CEP83: variants seen among roughly 807,000 people sequenced by gnomAD.
The protein encoded by CEP83 is centrosomal protein 83.
In CEP83, 70 loss-of-function variants were observed where a neutral mutation model predicts 101.9. The ratio of observed to expected loss-of-function variants is 0.69; its 90% CI spans 0.57 to 0.84. CEP83 has a LOEUF of 0.84. Among genes scored for constraint, CEP83 ranks in the 40% least tolerant of loss-of-function variants. The probability of loss-of-function intolerance (pLI) is 0.00; values close to 1 mark genes in which losing one functional copy is unlikely to be tolerated. For missense variants in CEP83, 715 were observed against 787.2 expected (o/e 0.91, Z 1.10); for synonymous variants, 264 against 267.9 (o/e 0.99, Z 0.14).
At chr12:94,282,028 A>G in the CEP83 span, 1 of 344,626 alleles carries the variant, frequency 2.9e-6, no homozygotes, top group South Asian at 3.0e-5. Context: ...TGAAGAGCTT[A>G]GTCGTCCCTC....
At chr12:94,281,260 T>G in the CEP83 span, among the ~76,000 whole-genome samples, 1 of 151,962 alleles carries the variant, frequency 6.6e-6, no homozygotes, top group East Asian at 1.9e-4. Flanking sequence ...GCCTGGGCAA[T>G]GGAGGGAGAC....
chr12:94,441,446 T>C (rs532555924), intron 1 of CEP83, among the ~76,000 whole-genome samples: 15 of 152,108 alleles, frequency 9.9e-5, no homozygotes, highest in Non-Finnish European at 1.8e-4. Flanking sequence ...ATCAGGGAAA[T>C]GCAAATCAAA....
the CEP83 span, among the ~76,000 whole-genome samples, chr12:94,268,588 C>CTTTTTTT: frequency 3.3e-4 from 30 of 90,864 alleles, no homozygotes; most frequent in East Asian, 1.1e-3. Context: ...AGAATAAGAC[C>CTTTTTTT]TTTTTTTTTT....
the CEP83 span, among the ~76,000 whole-genome samples, chr12:94,299,493 A>C: frequency 6.6e-6 from 1 of 152,084 alleles, no homozygotes; most frequent in Non-Finnish European, 1.5e-5. Flanking sequence ...CTCTAGGTCT[A>C]ATCTCCCATT....
At chr12:94,398,254 A>T (rs998339890) in intron 6 of CEP83, among the ~76,000 whole-genome samples, 3 of 152,212 alleles carry the variant, frequency 2.0e-5, no homozygotes, top group Admixed American at 2.0e-4. Context: ...AAGGGAACTG[A>T]CTAAAACAAA....
At chr12:94,293,665 C>T in the CEP83 span, among the ~76,000 whole-genome samples, 1 of 152,202 alleles carries the variant, frequency 6.6e-6, no homozygotes, top group African/African-American at 2.4e-5. Context: ...GTCGCCCAGG[C>T]TGGAGTAGAG....
At chr12:94,456,779 T>C (rs1391276028) in intron 1 of CEP83, among the ~76,000 whole-genome samples, 1 of 152,176 alleles carries the variant, frequency 6.6e-6, no homozygotes, top group African/African-American at 2.4e-5. Context: ...CAAGGTGAGA[T>C]TTGGGTGGGG....
intron 1 of CEP83, among the ~76,000 whole-genome samples, chr12:94,442,755 T>C (rs1455027305): frequency 6.6e-6 from 1 of 152,184 alleles, no homozygotes; most frequent in African/African-American, 2.4e-5. Context: ...AGGTTCAAAT[T>C]TTCTACTTGT....
intron 6 of CEP83, among the ~76,000 whole-genome samples, chr12:94,399,276 GT>G (rs906231284): frequency 5.9e-5 from 9 of 152,314 alleles, no homozygotes; most frequent in African/African-American, 2.2e-4. Flanking sequence ...GGGCCGAGCT[GT>G]AAAATTCCTC....
chr12:94,270,763 CT>C, the CEP83 span, among the ~76,000 whole-genome samples: 26,239 of 147,310 alleles, frequency 0.18, 2,634 homozygotes, highest in East Asian at 0.27. Context: ...ATCTCCATTA[CT>C]TTTTTTTTTT....
chr12:94,390,316 T>C (rs2062440663), intron 6 of CEP83, among the ~76,000 whole-genome samples: 1 of 152,126 alleles, frequency 6.6e-6, no homozygotes, highest in Non-Finnish European at 1.5e-5. Flanking sequence ...CGTCTGCTGG[T>C]GATACCCAGG....
At chr12:94,456,703 C>T (rs1915335) in intron 1 of CEP83, among the ~76,000 whole-genome samples, 54,733 of 151,992 alleles carry the variant, frequency 0.36, 10,220 homozygotes, top group East Asian at 0.59. Flanking sequence ...GGGAAACCGC[C>T]GCCATGATCC....
the CEP83 span, among the ~76,000 whole-genome samples, chr12:94,291,663 C>T: frequency 3.3e-5 from 5 of 152,186 alleles, no homozygotes; most frequent in Non-Finnish European, 5.9e-5. Flanking sequence ...CCCGAAGAAA[C>T]CTTGAATTCA....
At chr12:94,285,747 G>C in the CEP83 span, among the ~76,000 whole-genome samples, 2 of 152,120 alleles carry the variant, frequency 1.3e-5, no homozygotes, top group Non-Finnish European at 2.9e-5. Flanking sequence ...TCAGTTCAGG[G>C]TTCTAGACCT....
the CEP83 span, among the ~76,000 whole-genome samples, chr12:94,298,303 CAA>C: frequency 6.6e-6 from 1 of 152,284 alleles, no homozygotes; most frequent in Non-Finnish European, 1.5e-5. Flanking sequence ...TAATAAAAGC[CAA>C]ATATCCATGG....
chr12:94,393,065 C>T (rs926916460), intron 6 of CEP83, among the ~76,000 whole-genome samples: 5 of 152,212 alleles, frequency 3.3e-5, no homozygotes, highest in African/African-American at 1.2e-4. Flanking sequence ...GAACTGGTAC[C>T]ATTCCTTCTG....
intron 1 of CEP83, among the ~76,000 whole-genome samples, chr12:94,438,026 G>A (rs534126624): frequency 1.3e-5 from 2 of 152,050 alleles, no homozygotes; most frequent in Non-Finnish European, 2.9e-5. Flanking sequence ...AGACCAGCCT[G>A]GCCAACACGG....
chr12:94,417,157 C>CA (rs34484962), intron 2 of CEP83, among the ~76,000 whole-genome samples: 4 of 150,470 alleles, frequency 2.7e-5, no homozygotes, highest in African/African-American at 7.3e-5. Flanking sequence ...CAAAAACAAA[C>CA]AAAAAAAAGT....
At position 94,335,141 on chromosome 12, in the gene CEP83, T is replaced by C. The variant is rs138976511; in HGVS notation, c.1419+448A>G. On this transcript the variant is annotated intron_variant, in intron 12 of 16. Transcript: ENST00000397809. ...TATACAAATCTTTCCTGAACCCAAA[T>C]AACTTTAATTATAAACACAAATTTC... 3.9e-5 allele frequency among the ~76,000 whole-genome samples: 6 copies of C among 152,268 alleles called. No homozygotes were observed. The East Asian group carries it at 1.2e-3, about 29-fold the overall frequency.
Sources: gnomAD v4.1 joint callset for allele counts (sites outside exome capture counted in the v4.1 genomes callset) on GRCh38, gnomAD v4.1.1 for gene constraint, MANE v1.5 for transcripts, NCBI Gene and HGNC (gene_info 2026-07-23, HGNC 2026-07-21) for gene names.